Variants in DYNLT5 observed in about 807,000 individuals in gnomAD.
DYNLT5 encodes dynein light chain Tctex-type family member 5, also known as dynein light chain Tctex-type 5.
Under a neutral mutation model 19.3 loss-of-function variants are expected in DYNLT5, and 25 were observed. That is an observed-to-expected ratio of 1.30 (90% CI 0.95 to 1.81). The LOEUF is 1.81. Ranked by LOEUF, DYNLT5 falls within the 40% of genes most tolerant of loss-of-function variation. The pLI, the probability that DYNLT5 is intolerant of heterozygous loss-of-function variation, is 0.00. For missense variants in DYNLT5, 232 were observed against 217.9 expected, an observed-to-expected ratio of 1.06 and a Z score of -0.41; for synonymous variants, 82 against 68.9, an observed-to-expected ratio of 1.19 and a Z score of -0.94.
At chr1:66,756,017 C>G (rs1468956306) in intron 2 of DYNLT5, among the ~76,000 whole-genome samples, 2 of 152,104 alleles carry the variant, frequency 1.3e-5, no homozygotes, top group Non-Finnish European at 2.9e-5. Flanking sequence ...TTTTACTTAT[C>G]TTTTCCCCTT....
chr1:66,761,591 T>C (rs983365287), intron 2 of DYNLT5, among the ~76,000 whole-genome samples: 1 of 152,126 alleles, frequency 6.6e-6, no homozygotes, highest in Non-Finnish European at 1.5e-5. Flanking sequence ...AAGACCAGCC[T>C]GGACAACATA....
chr1:66,774,639 C>G (rs984015477), intron 3 of DYNLT5, among the ~76,000 whole-genome samples: 3 of 152,130 alleles, frequency 2.0e-5, no homozygotes, highest in Non-Finnish European at 4.4e-5. Flanking sequence ...CTGGCTCCTG[C>G]CTGTGAGTTC....
intron 3 of DYNLT5, among the ~76,000 whole-genome samples, chr1:66,775,882 T>A (rs1645231508): frequency 1.3e-5 from 2 of 152,142 alleles, no homozygotes; most frequent in South Asian, 4.1e-4. Flanking sequence ...CAGTAGGGAA[T>A]CACACTTTAG....
rs1339908792 is a variant in DYNLT5, at chr1:66,752,518, C to A, written c.-70C>A. The stretch of plus-strand genomic sequence containing the variant: ...TGAATGAAGCCTGGGACGCGGGAGC[C>A]GCGCCGCGCGCAGTGTCTGCAGTGC... On this transcript the variant is annotated 5_prime_UTR_variant, in exon 1 of 5. Transcript: ENST00000282670. The A allele has an allele frequency of 1.0e-6, 1 of 985,580 alleles. No individual in the cohort carries two copies. The highest frequency in any genetic ancestry group is 1.2e-6 in the Non-Finnish European group (1 of 830,044). 61.1% of individuals were successfully genotyped at this position (985,580 alleles called of 1,614,324 possible).
At chr1:66,759,026 T>C (rs142169124) in intron 2 of DYNLT5, among the ~76,000 whole-genome samples, 1 of 152,228 alleles carries the variant, frequency 6.6e-6, no homozygotes, top group East Asian at 1.9e-4. Context: ...AAAGAGAAAA[T>C]AGTTTGGGAA....
At chr1:66,767,800 T>G (rs1436936129) in intron 2 of DYNLT5, among the ~76,000 whole-genome samples, 1 of 152,200 alleles carries the variant, frequency 6.6e-6, no homozygotes, top group Non-Finnish European at 1.5e-5. Context: ...CTCTGGAATA[T>G]CCACATTCCA....
intron 2 of DYNLT5, among the ~76,000 whole-genome samples, chr1:66,765,349 C>T (rs2094652864): frequency 6.6e-6 from 1 of 152,094 alleles, no homozygotes; most frequent in Non-Finnish European, 1.5e-5. Context: ...GTCTCTAAGG[C>T]CAGTTATGCG....
At chr1:66,756,991 T>C (rs765459850) in intron 2 of DYNLT5, among the ~76,000 whole-genome samples, 2 of 152,258 alleles carry the variant, frequency 1.3e-5, no homozygotes, top group Non-Finnish European at 2.9e-5. Flanking sequence ...AAGTGCTCTC[T>C]AATTACTCAT....
In DYNLT5 at chr1:66,770,427, C is replaced by A. The variant is rs774493715; in HGVS notation, c.160C>A (p.Arg54Ser). ...TVSYMEEPSQ[R>S]DDISRLTVQM... ...GTCTTATATGGAAGAACCCAGTCAG[C>A]GTGATGATATCTCTCGCCTTACAGT... The change falls in exon 3 of 5, where the codon CGT becomes AGT. Residue 54 changes from arginine (R) to serine (S), a missense_variant. Transcript: ENST00000282670. 12 of 1,613,458 alleles carry A rather than the reference C, an allele frequency of 7.4e-6. No homozygotes were observed. Among genetic ancestry groups the A allele is most frequent in the South Asian group, 6.6e-5 (6 of 91,056 alleles).
In DYNLT5 at chr1:66,778,159, G is replaced by T. The variant is rs1296750422; in HGVS notation, c.*705G>T. 1 of 152,646 alleles carries T rather than the reference G, an allele frequency of 6.6e-6. No individual in the cohort carries two copies. The allele number at this position is 152,646 out of a possible 1,614,324, so 9.5% of individuals were successfully genotyped here. On this transcript the variant is annotated 3_prime_UTR_variant, in exon 5 of 5. Transcript: ENST00000282670. ...AATAAAGGCTTTTTGGGACACTGAA[G>T]TAGACATTGTGATATTAAATATACA...
intron 2 of DYNLT5, 77 bp from the exon 3 acceptor site, chr1:66,770,310 T>C (rs1432067331): frequency 1.0e-5 from 10 of 976,464 alleles, no homozygotes; most frequent in Non-Finnish European, 1.6e-5. Context: ...TTTGTAACAT[T>C]TTAGCTTAAA....
At chr1:66,756,632 T>C (rs902671135) in intron 2 of DYNLT5, among the ~76,000 whole-genome samples, 2 of 152,250 alleles carry the variant, frequency 1.3e-5, no homozygotes, top group African/African-American at 4.8e-5. Flanking sequence ...GCATTAATCC[T>C]ACTAGGTAGG....
At chr1:66,774,497 A>G (rs1427841522) in intron 3 of DYNLT5, among the ~76,000 whole-genome samples, 1 of 152,230 alleles carries the variant, frequency 6.6e-6, no homozygotes, top group South Asian at 2.1e-4. Flanking sequence ...ATAACGATTT[A>G]TAGAACCTCA....
chr1:66,766,493 A>G (rs2094655532), intron 2 of DYNLT5, among the ~76,000 whole-genome samples: 2 of 152,230 alleles, frequency 1.3e-5, no homozygotes, highest in Non-Finnish European at 2.9e-5. Flanking sequence ...AGGTTTTTCT[A>G]AACCAGTATT....
chr1:66,754,720 T>C lies in DYNLT5; in HGVS notation c.62T>C (p.Ile21Thr), dbSNP rs372887574. 6.8e-6 allele frequency: 11 copies of C among 1,613,406 alleles called. No individual in the cohort carries two copies. The African/African-American group carries it at 1.3e-4, about 20-fold the overall frequency. The change falls in exon 2 of 5, where the codon ATT becomes ACT. Residue 21 changes from isoleucine to threonine, a missense_variant. Coordinates refer to ENST00000282670, the MANE Select transcript of DYNLT5 (RefSeq NM_152665.3). Reference protein sequence around the residue: ...AAHSWKKRGSISSLSNHEFWR... With the variant: ...AAHSWKKRGSTSSLSNHEFWR... Reference sequence around the variant, plus strand: ...CATTCATGGAAGAAAAGAGGGAGTATTTCTTCTCTAAGTAATCATGAATTT... The same window carrying C: ...CATTCATGGAAGAAAAGAGGGAGTACTTCTTCTCTAAGTAATCATGAATTT...
intron 2 of DYNLT5, among the ~76,000 whole-genome samples, chr1:66,762,622 CT>C (rs1557871364): frequency 6.6e-6 from 1 of 152,216 alleles, no homozygotes; most frequent in Non-Finnish European, 1.5e-5. Flanking sequence ...TCCTTTTCAA[CT>C]TACTTTGCCC....
chr1:66,763,251 A>G (rs2094648974), intron 2 of DYNLT5, among the ~76,000 whole-genome samples: 1 of 152,236 alleles, frequency 6.6e-6, no homozygotes, highest in Non-Finnish European at 1.5e-5. Context: ...ACTATGCCGT[A>G]AAACAGATGT....
In DYNLT5 at chr1:66,777,500, G is replaced by T; in HGVS notation, c.*46G>T. On this transcript the variant is annotated 3_prime_UTR_variant, in exon 5 of 5. Coordinates refer to ENST00000282670, the MANE Select transcript of DYNLT5 (RefSeq NM_152665.3). ...TCTTACTTTTGAAAATTCTGAGGCA[G>T]GCTGTATGTCTGTACACAAAAGTTT... The T allele has an allele frequency of 6.4e-7, 1 of 1,574,564 alleles. No individual in the cohort carries two copies.
chr1:66,778,674 A>G lies in DYNLT5; in HGVS notation c.*1220A>G, dbSNP rs567396116. On this transcript the variant is annotated 3_prime_UTR_variant, in exon 5 of 5. Transcript: ENST00000282670. ...GAAAACCAGTTAATGCTTTAATTTT[A>G]AAATGTTTTGGTGTCTTACTTTTCC... 2.0e-5 allele frequency: 3 copies of G among 152,780 alleles called. No homozygotes were observed. The East Asian group carries it at 5.8e-4, about 29-fold the overall frequency. 9.5% of individuals were successfully genotyped at this position (152,780 alleles called of 1,614,324 possible).
Sources: allele counts gnomAD v4.1 joint callset (sites outside exome capture counted in the v4.1 genomes callset), GRCh38; gene constraint gnomAD v4.1.1; transcripts MANE v1.5; gene names NCBI Gene and HGNC (gene_info 2026-07-23, HGNC 2026-07-21).